The following KMT5B variants were observed in gnomAD, a reference collection of about 807,000 sequenced individuals.
KMT5B encodes the protein histone-lysine N-methyltransferase KMT5B.
A neutral mutation model predicts 83.2 loss-of-function variants in KMT5B; 10 were observed. The observed-to-expected ratio is 0.12, with a 90% CI of 0.07 to 0.20. KMT5B has a LOEUF of 0.20. Ranked by LOEUF, KMT5B falls within the 10% of genes least tolerant of loss-of-function variation. The pLI is 1.00. For missense variants in KMT5B, 753 were observed against 1,067.2 expected (o/e 0.71, Z 4.10); for synonymous variants, 349 against 388.8 (o/e 0.90, Z 1.20).
At chr11:68,168,443 C>T (rs1233762256) in intron 9 of KMT5B, among the ~76,000 whole-genome samples, 3 of 151,624 alleles carry the variant, frequency 2.0e-5, no homozygotes, top group East Asian at 3.9e-4. Context: ...GCAAGCGATT[C>T]TCCTGCTTCA....
At chr11:68,202,915 C>T (rs867104640) in intron 1 of KMT5B, among the ~76,000 whole-genome samples, 1 of 152,088 alleles carries the variant, frequency 6.6e-6, no homozygotes, top group Admixed American at 6.6e-5. Context: ...TTTGAGTACC[C>T]GCTTTAATTC....
chr11:68,165,509 A>G (rs76153907), intron 10 of KMT5B, among the ~76,000 whole-genome samples: 5 of 148,742 alleles, frequency 3.4e-5, no homozygotes, highest in Non-Finnish European at 6.0e-5. Context: ...TCTCAAAAGA[A>G]AAAAAAAAAA....
chr11:68,162,996 A>G (rs1053861581), intron 10 of KMT5B, among the ~76,000 whole-genome samples: 5 of 151,952 alleles, frequency 3.3e-5, no homozygotes, highest in Non-Finnish European at 5.9e-5. Flanking sequence ...GTGAAGGCTA[A>G]AGGAGGAAGA....
intron 3 of KMT5B, among the ~76,000 whole-genome samples, chr11:68,182,681 G>A (rs1057136539): frequency 6.6e-6 from 1 of 151,720 alleles, no homozygotes; most frequent in African/African-American, 2.4e-5. Context: ...AATACGGCAC[G>A]GGGATTTTAG....
chr11:68,201,845 C>T (rs550504774), intron 1 of KMT5B, among the ~76,000 whole-genome samples: 153 of 150,296 alleles, frequency 1.0e-3, no homozygotes, highest in African/African-American at 3.6e-3. Flanking sequence ...TTAGGGAGGC[C>T]GAAGCAGGTG....
chr11:68,191,172 T>TA (rs1246425858), intron 1 of KMT5B, among the ~76,000 whole-genome samples: 1 of 125,928 alleles, frequency 7.9e-6, no homozygotes, highest in African/African-American at 3.2e-5. Flanking sequence ...ATTTTAAAAC[T>TA]TTGTGTGTGT....
intron 1 of KMT5B, among the ~76,000 whole-genome samples, chr11:68,211,622 A>T (rs1303617618): frequency 6.6e-6 from 1 of 152,146 alleles, no homozygotes; most frequent in Non-Finnish European, 1.5e-5. Flanking sequence ...ATAACAAGAG[A>T]CTCAAAAACT....
chr11:68,200,554 CGA>C (rs577779079), intron 1 of KMT5B, among the ~76,000 whole-genome samples: 1 of 151,456 alleles, frequency 6.6e-6, no homozygotes, highest in Non-Finnish European at 1.5e-5. Context: ...ATATCAGGAA[CGA>C]GAGAGAGAGA....
intron 1 of KMT5B, among the ~76,000 whole-genome samples, chr11:68,209,518 A>G (rs1860600338): frequency 6.6e-6 from 1 of 152,220 alleles, no homozygotes; most frequent in Non-Finnish European, 1.5e-5. Context: ...GAGTGCCATT[A>G]GAGATGTGCT....
intron 2 of KMT5B, among the ~76,000 whole-genome samples, chr11:68,186,805 C>T (rs535999491): frequency 6.6e-6 from 1 of 152,250 alleles, no homozygotes; most frequent in Admixed American, 6.5e-5. Context: ...GAATGAAACA[C>T]AGAGTAAAGT....
intron 2 of KMT5B, among the ~76,000 whole-genome samples, chr11:68,189,201 T>C (rs1281882693): frequency 6.6e-6 from 1 of 152,230 alleles, no homozygotes; most frequent in Non-Finnish European, 1.5e-5. Flanking sequence ...AGAAAAGCTG[T>C]CCTCTTTAAC....
At position 68,156,433 on chromosome 11, in the gene KMT5B, ACTC is replaced by A. The variant is rs771980397; in HGVS notation, c.*1252_*1254del. 21 of 152,690 alleles carry A rather than the reference ACTC, an allele frequency of 1.4e-4. No individual in the cohort carries two copies. The highest frequency in any genetic ancestry group is 7.7e-4 in the East Asian group (4 of 5,184). The allele number at this position is 152,690 out of a possible 1,614,324, so 9.5% of individuals were successfully genotyped here. Reference sequence around the variant, plus strand: ...TGCTTCAAAAAACAAATTAAATCTGACTCCTTTTTGTTTAACTGATAATATAGT... The same window carrying A: ...TGCTTCAAAAAACAAATTAAATCTGACTTTTTGTTTAACTGATAATATAGT... On this transcript the variant is annotated 3_prime_UTR_variant, in exon 11 of 11. Transcript: ENST00000304363.
chr11:68,196,565 A>C (rs1016485912), intron 1 of KMT5B, among the ~76,000 whole-genome samples: 11 of 151,388 alleles, frequency 7.3e-5, no homozygotes, highest in East Asian at 3.9e-4. Flanking sequence ...ATTAAAAAAA[A>C]CTGTAAATTA....
At chr11:68,186,990 A>G (rs1340735885) in intron 2 of KMT5B, among the ~76,000 whole-genome samples, 2 of 152,072 alleles carry the variant, frequency 1.3e-5, no homozygotes, top group Non-Finnish European at 2.9e-5. Context: ...TTCACATACG[A>G]CACAACTCAC....
intron 9 of KMT5B, among the ~76,000 whole-genome samples, chr11:68,168,901 G>C (rs543109897): frequency 1.3e-5 from 2 of 152,226 alleles, no homozygotes; most frequent in Admixed American, 1.3e-4. Flanking sequence ...TGTTTATCCT[G>C]CATGCACTTG....
At chr11:68,184,616 T>A (rs1857259935) in intron 3 of KMT5B, among the ~76,000 whole-genome samples, 1 of 152,212 alleles carries the variant, frequency 6.6e-6, no homozygotes. Context: ...CCCCCAGGGT[T>A]GCCACTAAAA....
intron 10 of KMT5B, among the ~76,000 whole-genome samples, chr11:68,163,135 C>G (rs1855001788): frequency 1.3e-5 from 2 of 152,222 alleles, no homozygotes; most frequent in African/African-American, 2.4e-5. Flanking sequence ...CCTCGTATGA[C>G]TCTTCCCCTA....
chr11:68,196,364 T>G (rs80048160), intron 1 of KMT5B, among the ~76,000 whole-genome samples: 2,983 of 151,214 alleles, frequency 0.02, 102 homozygotes, highest in African/African-American at 0.068. Flanking sequence ...AAAACTTAAG[T>G]GAAAGCCCTT....
At chr11:68,176,519 C>T (rs1451788309) in intron 4 of KMT5B, 1 of 152,150 alleles carries the variant, frequency 6.6e-6, no homozygotes, top group Non-Finnish European at 1.5e-5. Flanking sequence ...GGTATGGTGG[C>T]TCTCACCTAT....
Sources: allele counts gnomAD v4.1 joint callset (sites outside exome capture counted in the v4.1 genomes callset), GRCh38; gene constraint gnomAD v4.1.1; transcripts MANE v1.5; gene names NCBI Gene and HGNC (gene_info 2026-07-23, HGNC 2026-07-21).